The following ADAMTS5 variants were observed in gnomAD, a reference collection of about 807,000 sequenced individuals.
ADAMTS5 encodes ADAM metallopeptidase with thrombospondin type 1 motif 5.
A neutral mutation model predicts 81.4 loss-of-function variants in ADAMTS5; 54 were observed. That is an observed-to-expected ratio of 0.66 (90% CI 0.53 to 0.83). The LOEUF is 0.83. Ranked by LOEUF, ADAMTS5 falls within the 40% of genes least tolerant of loss-of-function variation. The probability of loss-of-function intolerance (pLI) is 0.00; values close to 1 mark genes in which losing one functional copy is unlikely to be tolerated. For missense variants in ADAMTS5, 1,194 were observed against 1,229.9 expected (o/e 0.97, Z 0.44); for synonymous variants, 532 against 508.8 (o/e 1.05, Z -0.61).
intron 1 of ADAMTS5, 84 bp downstream of exon 1, chr21:26,965,204 G>A: frequency 6.6e-7 from 1 of 1,522,236 alleles, no homozygotes. Context: ...GAGGTTTGAG[G>A]GAGAAGCAAA....
chr21:26,947,762 T>A (rs191118766), intron 2 of ADAMTS5, among the ~76,000 whole-genome samples: 2 of 152,212 alleles, frequency 1.3e-5, no homozygotes, highest in Non-Finnish European at 2.9e-5. Context: ...TTTGAAATAA[T>A]TAGTAAAAGC....
At chr21:26,957,778 G>A (rs1163007348) in intron 1 of ADAMTS5, among the ~76,000 whole-genome samples, 1 of 152,152 alleles carries the variant, frequency 6.6e-6, no homozygotes. Flanking sequence ...ACAAGACTGA[G>A]ACATTGTATC....
intron 6 of ADAMTS5, 79 bp downstream of exon 6, chr21:26,931,925 C>T (rs1986914914): frequency 7.1e-7 from 1 of 1,409,754 alleles, no homozygotes; most frequent in African/African-American, 1.4e-5. Flanking sequence ...CTGTTTACGT[C>T]TGGCGTCCGC....
chr21:26,927,265 T>C (rs969219657), intron 7 of ADAMTS5, among the ~76,000 whole-genome samples: 8 of 152,144 alleles, frequency 5.3e-5, no homozygotes, highest in Admixed American at 4.6e-4. Context: ...GAAGGGATGT[T>C]TTAGTCCGCT....
At chr21:26,948,917 T>C (rs1987265763) in intron 2 of ADAMTS5, among the ~76,000 whole-genome samples, 2 of 152,154 alleles carry the variant, frequency 1.3e-5, no homozygotes, top group Admixed American at 6.5e-5. Flanking sequence ...GTTTAGAAAG[T>C]ACCCTGTGTG....
chr21:26,954,831 G>T lies in ADAMTS5; in HGVS notation c.1145C>A (p.Ala382Glu), dbSNP rs1987392125. The change falls in exon 2 of 8, where the codon GCA (alanine) becomes GAA (glutamate). Residue 382 changes from alanine to glutamate, a missense_variant. This residue lies in a region of ADAMTS5 where 696 missense variants were observed against 817.6 expected (regional missense o/e 0.85). Transcript: ENST00000284987. Reference sequence around the variant, plus strand: ...TGGAGAACATATGGTCCCAACGTCTGCCATTCCCAGGGTGTCACATGAATG... The same window carrying T: ...TGGAGAACATATGGTCCCAACGTCTTCCATTCCCAGGGTGTCACATGAATG... Reference protein sequence around the residue: ...GHHSCDTLGMADVGTICSPER... With the variant: ...GHHSCDTLGMEDVGTICSPER... The T allele has an allele frequency of 6.2e-7, 1 of 1,614,088 alleles. No individual in the cohort carries two copies. Among genetic ancestry groups the T allele is most frequent in the Admixed American group, 1.7e-5 (1 of 59,992 alleles).
rs1244988211 is a variant in ADAMTS5 at position 26,918,294 on chromosome 21, A to G, written c.*5759T>C. The stretch of plus-strand genomic sequence containing the variant: ...GCAGCGTACATTTTACATCTTATAT[A>G]CAGTATGTAAATCTTCAATGATTTT... On this transcript the variant is annotated 3_prime_UTR_variant, in exon 8 of 8. Coordinates refer to ENST00000284987, the MANE Select transcript of ADAMTS5 (RefSeq NM_007038.5). The G allele has an allele frequency of 2.0e-5, 3 of 152,578 alleles. No individual in the cohort carries two copies. In the East Asian group the frequency reaches 5.8e-4, roughly 29 times the overall value. The allele number at this position is 152,578 out of a possible 1,614,324, so 9.5% of individuals were successfully genotyped here.
intron 3 of ADAMTS5, chr21:26,939,825 G>T (rs1987080437): frequency 6.6e-6 from 1 of 152,096 alleles, no homozygotes. Context: ...TATTTTTGAG[G>T]ATCATACTCC....
chr21:26,930,186 A>C lies in ADAMTS5; in HGVS notation c.2050-125T>G, dbSNP rs1986881857. Reference sequence around the variant, plus strand: ...TTGGTATGGACAGTCCATTGAAAAAAAAAAAAGCCAAAAAAACATAGTTTC... The same window carrying C: ...TTGGTATGGACAGTCCATTGAAAAACAAAAAAGCCAAAAAAACATAGTTTC... On this transcript the variant is annotated intron_variant, in intron 6 of 7. Coordinates refer to ENST00000284987, the MANE Select transcript of ADAMTS5 (RefSeq NM_007038.5). 6 of 868,406 alleles carry C rather than the reference A, an allele frequency of 6.9e-6. No homozygotes were observed. In the East Asian group the frequency reaches 1.6e-4, roughly 23 times the overall value. The allele number at this position is 868,406 out of a possible 1,614,324, so 53.8% of individuals were successfully genotyped here.
At chr21:26,925,369 A>G (rs1443880589) in intron 7 of ADAMTS5, among the ~76,000 whole-genome samples, 1 of 152,304 alleles carries the variant, frequency 6.6e-6, no homozygotes, top group East Asian at 1.9e-4. Flanking sequence ...ATTTTTTTAA[A>G]TGACTTAGAG....
intron 1 of ADAMTS5, 38 bp downstream of exon 1, chr21:26,965,250 T>TA: frequency 6.4e-7 from 1 of 1,573,672 alleles, no homozygotes; most frequent in Non-Finnish European, 8.6e-7. Context: ...TACCTCCTGA[T>TA]ATCAGCGCTG....
rs1986620962 is a variant in ADAMTS5, at chr21:26,918,326, C to T, written c.*5727G>A. ...GTAAATCTTCAATGATTTTCTCTAC[C>T]ATCAAAGCAAGTTTCAAGGTTTAAA... On this transcript the variant is annotated 3_prime_UTR_variant, in exon 8 of 8. Transcript: ENST00000284987. 2.0e-5 allele frequency: 3 copies of T among 152,360 alleles called. No homozygotes were observed. The highest frequency in any genetic ancestry group is 4.1e-4 in the South Asian group (2 of 4,838). The allele number at this position is 152,360 out of a possible 1,614,324, so 9.4% of individuals were successfully genotyped here. A position where few individuals can be genotyped will look rare whatever the true frequency, so the allele number is the denominator to read the frequency against.
chr21:26,933,153 TAC>T, intron 4 of ADAMTS5, 109 bp from the exon 5 acceptor site: 1 of 1,144,858 alleles, frequency 8.7e-7, no homozygotes, highest in South Asian at 1.5e-5. Context: ...TTGTCACAGA[TAC>T]AGTTATATTT....
chr21:26,942,585 T>C (rs1288261692), intron 3 of ADAMTS5, among the ~76,000 whole-genome samples: 1 of 152,192 alleles, frequency 6.6e-6, no homozygotes, highest in Non-Finnish European at 1.5e-5. Context: ...TTTATTACTT[T>C]AAAGTACTGA....
chr21:26,937,005 A>T (rs1987025714), intron 3 of ADAMTS5, among the ~76,000 whole-genome samples: 1 of 152,324 alleles, frequency 6.6e-6, no homozygotes, highest in South Asian at 2.1e-4. Flanking sequence ...TTTAAAAAAA[A>T]TTTTACTAAA....
intron 1 of ADAMTS5, among the ~76,000 whole-genome samples, chr21:26,963,569 C>T (rs1359388442): frequency 2.9e-5 from 4 of 139,870 alleles, no homozygotes; most frequent in Admixed American, 1.5e-4. Context: ...CATAAACTCT[C>T]CAAAGCCTCC....
At chr21:26,939,537 G>T (rs992375421) in intron 3 of ADAMTS5, 1 of 152,170 alleles carries the variant, frequency 6.6e-6, no homozygotes, top group African/African-American at 2.4e-5. Context: ...ATCATTTTAT[G>T]TGCAAAGTTC....
chr21:26,941,467 G>T (rs1018665006), intron 3 of ADAMTS5, among the ~76,000 whole-genome samples: 3 of 152,008 alleles, frequency 2.0e-5, no homozygotes, highest in Non-Finnish European at 4.4e-5. Flanking sequence ...TGTTAAAAAT[G>T]AAGACAATGC....
Position 26,943,563 on chromosome 21 carries a change from G to A in ADAMTS5, c.1238-16C>T. The A allele has an allele frequency of 1.2e-6, 2 of 1,604,472 alleles. No homozygotes were observed. The highest frequency in any genetic ancestry group is 1.1e-5 in the South Asian group (1 of 89,928). ...AGTAAATGTCCTAAGGGAGACAACAGAGGAAGTACAAATAATCCGTGATTG... is the reference window on the plus strand; with the variant it reads ...AGTAAATGTCCTAAGGGAGACAACAAAGGAAGTACAAATAATCCGTGATTG... On this transcript the variant is annotated splice_polypyrimidine_tract_variant and intron_variant, in intron 2 of 7. Coordinates refer to ENST00000284987, the MANE Select transcript of ADAMTS5 (RefSeq NM_007038.5).
Sources: gnomAD v4.1 joint callset for allele counts (sites outside exome capture counted in the v4.1 genomes callset) on GRCh38, gnomAD v4.1.1 for gene constraint, gnomAD v4.1.1 regional missense constraint, MANE v1.5 for transcripts, NCBI Gene and HGNC (gene_info 2026-07-23, HGNC 2026-07-21) for gene names.